RANBP2: variants seen among roughly 807,000 people sequenced by gnomAD.
RANBP2 encodes the protein RAN binding protein 2.
In RANBP2, 57 loss-of-function variants were observed where a neutral mutation model predicts 303.6. The ratio of observed to expected loss-of-function variants is 0.19; its 90% CI spans 0.15 to 0.23. The LOEUF (loss-of-function observed/expected upper bound fraction) is 0.23, where lower values mean the gene tolerates loss of function less well. Among genes scored for constraint, RANBP2 ranks in the 10% least tolerant of loss-of-function variants. The pLI, the probability that RANBP2 is intolerant of heterozygous loss-of-function variation, is 1.00. For missense variants in RANBP2, 3,138 were observed against 3,780.8 expected, an observed-to-expected ratio of 0.83 and a Z score of 4.46; for synonymous variants, 1,167 against 1,301.5, an observed-to-expected ratio of 0.90 and a Z score of 2.23.
At chr2:108,982,357 C>A in the RANBP2 span, among the ~76,000 whole-genome samples, 2 of 152,222 alleles carry the variant, frequency 1.3e-5, no homozygotes, top group East Asian at 3.9e-4. Flanking sequence ...GGCTGTCCTG[C>A]CACCAAAGGC....
At chr2:109,561,922 A>C in the RANBP2 span, among the ~76,000 whole-genome samples, 1 of 152,176 alleles carries the variant, frequency 6.6e-6, no homozygotes, top group East Asian at 1.9e-4. Flanking sequence ...CAAGGCAGGC[A>C]GATCACTTTG....
the RANBP2 span, among the ~76,000 whole-genome samples, chr2:109,608,068 A>G: frequency 6.6e-6 from 1 of 151,158 alleles, no homozygotes; most frequent in African/African-American, 2.4e-5. Flanking sequence ...ATCTATACAC[A>G]TAGAATTAAA....
the RANBP2 span, among the ~76,000 whole-genome samples, chr2:109,427,593 TC>T: frequency 6.6e-6 from 1 of 151,820 alleles, no homozygotes; most frequent in Non-Finnish European, 1.5e-5. Context: ...ACTTCGGGAG[TC>T]CCTGCACACT....
chr2:108,907,924 A>G, the RANBP2 span: 1 of 1,613,660 alleles, frequency 6.2e-7, no homozygotes, highest in Non-Finnish European at 8.5e-7. Context: ...CAGCAGGCAC[A>G]GCTCCGGGGA....
the RANBP2 span, among the ~76,000 whole-genome samples, chr2:109,693,378 G>A: frequency 6.6e-6 from 1 of 151,980 alleles, no homozygotes; most frequent in South Asian, 2.1e-4. Context: ...TTCACTGTGT[G>A]GCCAGGCTGG....
chr2:109,367,099 T>A, the RANBP2 span, among the ~76,000 whole-genome samples: 1 of 149,850 alleles, frequency 6.7e-6, no homozygotes, highest in African/African-American at 2.5e-5. Context: ...ATTACAGGCA[T>A]ATGCCACTGT....
chr2:109,676,806 C>T, the RANBP2 span, among the ~76,000 whole-genome samples: 2 of 152,180 alleles, frequency 1.3e-5, no homozygotes, highest in Non-Finnish European at 2.9e-5. Flanking sequence ...TCTGAGAATA[C>T]GCTCTCAGAC....
the RANBP2 span, among the ~76,000 whole-genome samples, chr2:109,004,307 A>C: frequency 6.6e-6 from 1 of 152,194 alleles, no homozygotes; most frequent in African/African-American, 2.4e-5. Context: ...GCTGCTCCCA[A>C]CAGGAGCCAA....
chr2:109,456,948 G>A, the RANBP2 span, among the ~76,000 whole-genome samples: 19 of 152,326 alleles, frequency 1.2e-4, no homozygotes, highest in South Asian at 3.1e-3. Context: ...TCTCAACAGC[G>A]AGTGAAGCTT....
the RANBP2 span, among the ~76,000 whole-genome samples, chr2:109,246,268 A>T: frequency 6.6e-6 from 1 of 152,248 alleles, no homozygotes; most frequent in Non-Finnish European, 1.5e-5. Context: ...CTGGTCGTCC[A>T]AGATCAAGGC....
the RANBP2 span, among the ~76,000 whole-genome samples, chr2:108,993,561 C>CT: frequency 1.1e-4 from 16 of 152,242 alleles, no homozygotes; most frequent in African/African-American, 3.6e-4. Flanking sequence ...AGGGTGTCAC[C>CT]TAGATACCGG....
At chr2:108,804,996 C>T in the RANBP2 span, 2 of 1,525,840 alleles carry the variant, frequency 1.3e-6, no homozygotes, top group East Asian at 4.8e-5. Flanking sequence ...TGAATGATAC[C>T]TTAAAAAAAC....
At chr2:108,810,862 C>T in the RANBP2 span, among the ~76,000 whole-genome samples, 2 of 152,150 alleles carry the variant, frequency 1.3e-5, no homozygotes, top group South Asian at 2.1e-4. Context: ...AATCTTGTTA[C>T]TTATGATTGG....
At chr2:108,760,478 A>C (rs528428757) in intron 18 of RANBP2, among the ~76,000 whole-genome samples, 97 of 152,282 alleles carry the variant, frequency 6.4e-4, no homozygotes, top group African/African-American at 2.2e-3. Context: ...ATGCCATTAC[A>C]AATTCTAGGA....
chr2:109,390,117 G>A, the RANBP2 span, among the ~76,000 whole-genome samples: 1 of 152,208 alleles, frequency 6.6e-6, no homozygotes, highest in Non-Finnish European at 1.5e-5. Context: ...CGGAGGCCAT[G>A]CGGGTCCCCA....
chr2:108,749,005 T>G lies in RANBP2; in HGVS notation c.1149T>G (p.Ser383=). ...CTTTTGCCAACAAAAGCGGGCAGTC[T>G]GCATTATATGATGCTCTGTTTTCTA... ...VETFANKSGQ[S]ALYDALFSSQ... The change falls in exon 9 of 29, where the codon TCT becomes TCG. Residue 383 remains serine (S), a synonymous_variant. Transcript: ENST00000283195. 6.2e-7 allele frequency: 1 copy of G among 1,612,018 alleles called. No homozygotes were observed. Among genetic ancestry groups the G allele is most frequent in the Non-Finnish European group, 8.5e-7 (1 of 1,179,860 alleles).
the RANBP2 span, among the ~76,000 whole-genome samples, chr2:109,005,838 C>T: frequency 6.6e-6 from 1 of 152,238 alleles, no homozygotes; most frequent in African/African-American, 2.4e-5. Flanking sequence ...AACCACTTCA[C>T]ATTTCAACAG....
the RANBP2 span, among the ~76,000 whole-genome samples, chr2:109,187,905 CTG>C: frequency 6.6e-6 from 1 of 152,164 alleles, no homozygotes; most frequent in Admixed American, 6.5e-5. Flanking sequence ...TTAAGCCTGC[CTG>C]TGTTGTGCCT....
chr2:109,106,838 G>A, the RANBP2 span, among the ~76,000 whole-genome samples: 5 of 150,780 alleles, frequency 3.3e-5, no homozygotes, highest in African/African-American at 9.7e-5. Context: ...CTCCGCCTCA[G>A]AAGAAAAAAG....
Sources: allele counts gnomAD v4.1 joint callset (sites outside exome capture counted in the v4.1 genomes callset), GRCh38; gene constraint gnomAD v4.1.1; transcripts MANE v1.5; gene names NCBI Gene and HGNC (gene_info 2026-07-23, HGNC 2026-07-21).